Variants in PAK3 observed in about 807,000 individuals in gnomAD.
The protein encoded by PAK3 is p21 (RAC1) activated kinase 3, also known as serine/threonine-protein kinase PAK 3.
PAK3 carries 4 observed loss-of-function variants against 41.0 expected under a neutral mutation model. The ratio of observed to expected loss-of-function variants is 0.10; its 90% CI spans 0.05 to 0.22. The LOEUF is 0.22. Ranked by LOEUF, PAK3 falls within the 10% of genes least tolerant of loss-of-function variation. PAK3 has a pLI of 1.00. For synonymous variants in PAK3, 146 were observed against 139.6 expected, an observed-to-expected ratio of 1.05 and a Z score of -0.32; for missense variants, 205 against 409.9, an observed-to-expected ratio of 0.50 and a Z score of 4.32.
chrX:110,953,894 A>G (rs2090796798), intron 1 of PAK3, among the ~76,000 whole-genome samples: 2 of 112,189 alleles, frequency 1.8e-5, no homozygotes, highest in Non-Finnish European at 3.8e-5. Flanking sequence ...AAGAAGCATT[A>G]CTGAGAGAGG....
At chrX:111,006,066 A>C (rs755107046) in intron 1 of PAK3, among the ~76,000 whole-genome samples, 3 of 111,627 alleles carry the variant, frequency 2.7e-5, no homozygotes, top group Non-Finnish European at 5.6e-5. Context: ...AGCCCTGCAC[A>C]TTAGAATCTC....
chrX:111,133,699 C>T (rs957431054), intron 5 of PAK3, among the ~76,000 whole-genome samples: 2 of 111,767 alleles, frequency 1.8e-5, no homozygotes, highest in South Asian at 3.7e-4. Context: ...ACTAGTCAAA[C>T]TATGTGTTTA....
chrX:111,171,160 A>T (rs1413903411), intron 10 of PAK3, among the ~76,000 whole-genome samples: 1 of 111,315 alleles, frequency 9.0e-6, no homozygotes, highest in Non-Finnish European at 1.9e-5. Context: ...AAGCCCGAAC[A>T]ATAGCAGTGG....
At chrX:111,140,041 C>A (rs999880022) in intron 5 of PAK3, among the ~76,000 whole-genome samples, 1 of 111,386 alleles carries the variant, frequency 9.0e-6, no homozygotes, top group East Asian at 2.8e-4. Context: ...TGCCTGGAAC[C>A]CTTCCAGGGC....
chrX:111,038,345 A>C (rs768328424), intron 1 of PAK3, among the ~76,000 whole-genome samples: 27 of 111,968 alleles, frequency 2.4e-4, no homozygotes, highest in Non-Finnish European at 4.9e-4. Context: ...TCTTTTGTGG[A>C]CCTGGTACTT....
intron 1 of PAK3, among the ~76,000 whole-genome samples, chrX:111,096,989 CT>C (rs1249562761): frequency 2.6e-4 from 28 of 109,394 alleles, no homozygotes; most frequent in Non-Finnish European, 5.1e-4. Flanking sequence ...TCCCCCTCCC[CT>C]TTTTTTGGTG....
chrX:111,063,454 A>G (rs2092674687), intron 1 of PAK3, among the ~76,000 whole-genome samples: 1 of 111,936 alleles, frequency 8.9e-6, no homozygotes, highest in Admixed American at 9.5e-5. Context: ...TTCCATATCT[A>G]TCTATCTCCA....
intron 1 of PAK3, among the ~76,000 whole-genome samples, chrX:110,975,929 C>T (rs2091318946): frequency 1.8e-5 from 2 of 111,816 alleles, no homozygotes; most frequent in South Asian, 7.5e-4. Flanking sequence ...GAAACTGGAT[C>T]CCTTCCTTAC....
chrX:111,192,387 C>T (rs2094568575), intron 12 of PAK3, 119 bp from the exon 13 acceptor site: 2 of 543,394 alleles, frequency 3.7e-6, no homozygotes, highest in East Asian at 3.6e-5. Context: ...GTTTGTGGCA[C>T]AGGGAAAGAG....
chrX:110,962,163 C>A (rs757653061), intron 1 of PAK3, among the ~76,000 whole-genome samples: 4 of 112,219 alleles, frequency 3.6e-5, no homozygotes, highest in Non-Finnish European at 7.5e-5. Flanking sequence ...ATCCCTAGAT[C>A]TGTTTATCAG....
At chrX:110,999,349 C>T (rs1387287310) in intron 1 of PAK3, among the ~76,000 whole-genome samples, 2 of 111,932 alleles carry the variant, frequency 1.8e-5, no homozygotes, top group Admixed American at 1.9e-4. Context: ...TGCACAATCC[C>T]CACAATTTAA....
At chrX:111,024,777 C>G (rs994871649) in intron 1 of PAK3, among the ~76,000 whole-genome samples, 1 of 111,317 alleles carries the variant, frequency 9.0e-6, no homozygotes, top group Non-Finnish European at 1.9e-5. Context: ...TGAACCTAAA[C>G]TGTACCCTAC....
chrX:111,117,117 G>T (rs1016337800), intron 4 of PAK3, among the ~76,000 whole-genome samples: 2 of 112,034 alleles, frequency 1.8e-5, no homozygotes, highest in Non-Finnish European at 3.8e-5. Flanking sequence ...AACGAAACTT[G>T]TTGGAGTGTT....
At chrX:111,007,482 T>A (rs2091949949) in intron 1 of PAK3, among the ~76,000 whole-genome samples, 1 of 111,972 alleles carries the variant, frequency 8.9e-6, no homozygotes, top group Admixed American at 9.4e-5. Context: ...ATAGTTCTGA[T>A]GAAGTGTCAG....
intron 1 of PAK3, among the ~76,000 whole-genome samples, chrX:110,973,024 A>G (rs1284648217): frequency 1.8e-5 from 2 of 111,868 alleles, no homozygotes; most frequent in Non-Finnish European, 3.8e-5. Context: ...AAAAAGAGTA[A>G]AAAGAAATGA....
intron 1 of PAK3, among the ~76,000 whole-genome samples, chrX:111,081,531 A>C (rs1385581715): frequency 9.1e-6 from 1 of 110,393 alleles, no homozygotes; most frequent in East Asian, 2.9e-4. Context: ...GAGAACTAGA[A>C]TTAGAAATGG....
intron 1 of PAK3, among the ~76,000 whole-genome samples, chrX:111,032,144 G>A (rs1334357986): frequency 1.8e-5 from 2 of 110,514 alleles, no homozygotes; most frequent in Admixed American, 9.6e-5. Flanking sequence ...TTCATCAGGG[G>A]GCCATAGCAC....
intron 4 of PAK3, among the ~76,000 whole-genome samples, chrX:111,105,027 A>G (rs1225966923): frequency 5.4e-5 from 6 of 111,493 alleles, no homozygotes; most frequent in Non-Finnish European, 1.1e-4. Context: ...GTACATTCAC[A>G]CAGTCACATC....
chrX:111,118,751 A>T (rs2093514226), intron 4 of PAK3, among the ~76,000 whole-genome samples: 1 of 111,804 alleles, frequency 8.9e-6, no homozygotes, highest in South Asian at 3.7e-4. Flanking sequence ...GTTATGTCTA[A>T]ATATGAAATA....
Sources: allele counts gnomAD v4.1 joint callset (sites outside exome capture counted in the v4.1 genomes callset), GRCh38; gene constraint gnomAD v4.1.1; transcripts MANE v1.5; gene names NCBI Gene and HGNC (gene_info 2026-07-23, HGNC 2026-07-21).